Variants in CCSER1 observed in about 807,000 individuals in gnomAD.
CCSER1 encodes the protein serine-rich coiled-coil domain-containing protein 1.
CCSER1 carries 41 observed loss-of-function variants against 82.0 expected under a neutral mutation model. That is an observed-to-expected ratio of 0.50 (90% confidence interval 0.39 to 0.65). CCSER1 has a LOEUF of 0.65. CCSER1 is among the 30% of genes least tolerant of loss of function. The pLI is 0.00. For synonymous variants in CCSER1, 414 were observed against 383.9 expected, an observed-to-expected ratio of 1.08 and a Z score of -0.92; for missense variants, 1,119 against 1,064.2, an observed-to-expected ratio of 1.05 and a Z score of -0.72.
intron 10 of CCSER1, among the ~76,000 whole-genome samples, chr4:91,199,318 C>T (rs138537271): frequency 6.6e-6 from 1 of 152,012 alleles, no homozygotes; most frequent in Non-Finnish European, 1.5e-5. Flanking sequence ...AAGAAATGTC[C>T]GTTGCAAACA....
At chr4:91,126,509 TTATC>T (rs1727532513) in intron 10 of CCSER1, among the ~76,000 whole-genome samples, 1 of 151,912 alleles carries the variant, frequency 6.6e-6, no homozygotes, top group African/African-American at 2.4e-5. Context: ...TGCAGCTTAT[TTATC>T]ATAAAATAAA....
intron 6 of CCSER1, among the ~76,000 whole-genome samples, chr4:90,658,682 A>G (rs1462901511): frequency 1.3e-5 from 2 of 152,220 alleles, no homozygotes; most frequent in African/African-American, 4.8e-5. Context: ...TTATGCATGT[A>G]ATTCTCTATT....
At chr4:90,798,687 G>A (rs567189516) in intron 7 of CCSER1, among the ~76,000 whole-genome samples, 2 of 152,240 alleles carry the variant, frequency 1.3e-5, no homozygotes, top group Admixed American at 6.5e-5. Context: ...TGACCTTCAG[G>A]GTTTGATTGT....
intron 10 of CCSER1, among the ~76,000 whole-genome samples, chr4:91,551,495 G>A (rs1762154730): frequency 6.6e-6 from 1 of 152,210 alleles, no homozygotes; most frequent in Non-Finnish European, 1.5e-5. Flanking sequence ...TGTAGGTAAA[G>A]TTGAAAACCA....
intron 10 of CCSER1, among the ~76,000 whole-genome samples, chr4:91,327,415 G>A (rs1288867866): frequency 6.6e-6 from 1 of 152,198 alleles, no homozygotes; most frequent in Non-Finnish European, 1.5e-5. Flanking sequence ...GCTGGAGCTG[G>A]AGAGTCTGGG....
chr4:91,384,056 C>G (rs1020909224), intron 10 of CCSER1, among the ~76,000 whole-genome samples: 1 of 151,950 alleles, frequency 6.6e-6, no homozygotes, highest in Non-Finnish European at 1.5e-5. Flanking sequence ...GTTCCAGTTG[C>G]TGTAGCTAAA....
intron 10 of CCSER1, among the ~76,000 whole-genome samples, chr4:91,354,276 T>G (rs976992646): frequency 3.9e-5 from 6 of 152,370 alleles, no homozygotes; most frequent in Admixed American, 3.9e-4. Context: ...CACTTACAGC[T>G]ATGCTTCATT....
rs905482630 is a variant in CCSER1 at position 90,922,443 on chromosome 4, G to A, written c.2095-927G>A. Among the ~76,000 whole-genome samples the A allele has an allele frequency of 9.2e-5, 14 of 151,986 alleles. 1 individual carries two copies. The highest frequency in any genetic ancestry group is 2.7e-4 in the African/African-American group (11 of 41,408). On this transcript the variant is annotated intron_variant, in intron 8 of 10. Coordinates refer to ENST00000509176, the MANE Select transcript of CCSER1 (RefSeq NM_001145065.2). ...AAGAATTAAATCACAGTCCTTTATC[G>A]TTTGGGTATTATATAACTATCTTAT...
At chr4:91,181,500 G>A (rs2149030458) in intron 10 of CCSER1, among the ~76,000 whole-genome samples, 1 of 152,226 alleles carries the variant, frequency 6.6e-6, no homozygotes, top group African/African-American at 2.4e-5. Flanking sequence ...TCCTAGAGTA[G>A]GCCATATCAT....
At chr4:90,134,402 G>A (rs1040872878) in intron 1 of CCSER1, among the ~76,000 whole-genome samples, 8 of 152,188 alleles carry the variant, frequency 5.3e-5, no homozygotes, top group African/African-American at 1.9e-4. Context: ...TGGAGATGGA[G>A]GACCTGCAAG....
intron 5 of CCSER1, among the ~76,000 whole-genome samples, chr4:90,482,555 G>C (rs1343035162): frequency 6.6e-6 from 1 of 152,174 alleles, no homozygotes; most frequent in African/African-American, 2.4e-5. Flanking sequence ...GTGTCCCAGA[G>C]ATTCTGGTAT....
intron 10 of CCSER1, among the ~76,000 whole-genome samples, chr4:91,136,140 G>A (rs1173103852): frequency 6.6e-6 from 1 of 152,076 alleles, no homozygotes; most frequent in Non-Finnish European, 1.5e-5. Context: ...TGATGTCCCT[G>A]AACCTTCCAG....
chr4:90,296,676 G>A (rs1001764050), intron 1 of CCSER1, among the ~76,000 whole-genome samples: 3 of 152,136 alleles, frequency 2.0e-5, no homozygotes, highest in East Asian at 1.9e-4. Context: ...TGTATAAGGT[G>A]TAAGGAAGGC....
chr4:90,252,047 A>G (rs1177655531), intron 1 of CCSER1, among the ~76,000 whole-genome samples: 1 of 151,842 alleles, frequency 6.6e-6, no homozygotes, highest in African/African-American at 2.4e-5. Context: ...AGATAATGTT[A>G]TTGATGTGAG....
rs1050166317 is a variant in CCSER1 at position 91,598,988 on chromosome 4, G to T, written c.2634G>T (p.Arg878Ser). ...CAATCTCTTTACACATGTACAGCAG[G>T]AAGAATGTGTTTCTCCACCACAATT... ...RGPISLHMYS[R>S]KNVFLHHNLH... The change falls in exon 11 of 11, where the codon AGG (arginine) becomes AGT (serine). Residue 878 changes from arginine to serine, a missense_variant. Physicochemically the swap from Arg to Ser is moderately radical, Grantham distance 110. Transcript: ENST00000509176. The T allele has an allele frequency of 3.8e-5, 59 of 1,551,378 alleles. No homozygotes were observed. The Admixed American group carries it at 1.0e-3, about 27-fold the overall frequency.
chr4:91,407,584 G>A lies in CCSER1; in HGVS notation c.2218-190988G>A, dbSNP rs907576378. Among the ~76,000 whole-genome samples, 16 of 152,164 alleles carry A rather than the reference G, an allele frequency of 1.1e-4. 1 individual carries two copies. The stretch of plus-strand genomic sequence containing the variant: ...AAAGAGGTTTATTTGGCTCACAGTT[G>A]TACAGGCTATACAAGAAGCATCATG... On this transcript the variant is annotated intron_variant, in intron 10 of 10. Coordinates refer to ENST00000509176, the MANE Select transcript of CCSER1 (RefSeq NM_001145065.2).
chr4:91,376,233 A>G (rs1750403724), intron 10 of CCSER1, among the ~76,000 whole-genome samples: 1 of 152,200 alleles, frequency 6.6e-6, no homozygotes, highest in Admixed American at 6.5e-5. Flanking sequence ...TAAGAAATGT[A>G]TTGTTAGGTG....
chr4:90,337,413 A>T (rs767586858), intron 3 of CCSER1, among the ~76,000 whole-genome samples: 7 of 152,200 alleles, frequency 4.6e-5, no homozygotes, highest in Non-Finnish European at 1.0e-4. Context: ...AGCAGATAGT[A>T]GTCAAAACAC....
chr4:90,258,469 G>A (rs1030620771), intron 1 of CCSER1, among the ~76,000 whole-genome samples: 4 of 152,214 alleles, frequency 2.6e-5, no homozygotes, highest in African/African-American at 7.2e-5. Flanking sequence ...CTGAGATCAC[G>A]CCACTGCATT....
Sources: allele counts gnomAD v4.1 joint callset (sites outside exome capture counted in the v4.1 genomes callset), GRCh38; gene constraint gnomAD v4.1.1; transcripts MANE v1.5; gene names NCBI Gene and HGNC (gene_info 2026-07-23, HGNC 2026-07-21).